Variants in PRKAR1B observed in about 807,000 individuals in gnomAD.
PRKAR1B encodes the protein protein kinase cAMP-dependent type I regulatory subunit beta, also known as cAMP-dependent protein kinase type I-beta regulatory subunit.
Under a neutral mutation model 46.5 loss-of-function variants are expected in PRKAR1B, and 22 were observed. That is an observed-to-expected ratio of 0.47 (90% CI 0.34 to 0.68). The LOEUF is 0.68. PRKAR1B is among the 30% of genes least tolerant of loss of function. PRKAR1B has a pLI of 0.01. For synonymous variants in PRKAR1B, 259 were observed against 217.7 expected (o/e 1.19, Z -1.67); for missense variants, 445 against 535.6 (o/e 0.83, Z 1.67).
At chr7:718,747 A>G (rs1302224560) in intron 1 of PRKAR1B, among the ~76,000 whole-genome samples, 1 of 151,152 alleles carries the variant, frequency 6.6e-6, no homozygotes, top group African/African-American at 2.4e-5. Flanking sequence ...TGGGACATCT[A>G]TTCAACAGAT....
chr7:635,525 G>A (rs1783997468), intron 4 of PRKAR1B, among the ~76,000 whole-genome samples: 1 of 152,176 alleles, frequency 6.6e-6, no homozygotes, highest in South Asian at 2.1e-4. Flanking sequence ...GCACAGCTGG[G>A]ACCCGAGGGC....
At chr7:626,365 C>G (rs768019362) in intron 4 of PRKAR1B, among the ~76,000 whole-genome samples, 11 of 152,070 alleles carry the variant, frequency 7.2e-5, no homozygotes, top group Non-Finnish European at 1.3e-4. Context: ...CCTGGTGGTG[C>G]ACACCTGTAG....
rs1042743790 is a variant in PRKAR1B, at chr7:667,703, A to G, written c.440+9526T>C. 2.0e-5 allele frequency among the ~76,000 whole-genome samples: 3 copies of G among 152,288 alleles called. No individual in the cohort carries two copies. The highest frequency in any genetic ancestry group is 3.4e-3 in the Middle Eastern group (1 of 294). Reference sequence around the variant, plus strand: ...GGAGGGAGCACAGGCTTAGGTGCCCAAGAACTCGAGCTCAAACCCTAGCTC... The same window carrying G: ...GGAGGGAGCACAGGCTTAGGTGCCCGAGAACTCGAGCTCAAACCCTAGCTC... On this transcript the variant is annotated intron_variant, in intron 4 of 10. Coordinates refer to ENST00000537384, the MANE Select transcript of PRKAR1B (RefSeq NM_001164760.2). This position sits in a 1 kb window ranked among gnomAD's most constrained non-coding sequence, Gnocchi z 4.3.
At chr7:623,727 T>C (rs1022546391) in intron 4 of PRKAR1B, among the ~76,000 whole-genome samples, 1 of 152,226 alleles carries the variant, frequency 6.6e-6, no homozygotes, top group African/African-American at 2.4e-5. Flanking sequence ...CAAGACCCCA[T>C]TGCAGTGATC....
chr7:576,969 C>T (rs769438294), intron 9 of PRKAR1B, among the ~76,000 whole-genome samples: 14 of 151,278 alleles, frequency 9.3e-5, no homozygotes, highest in African/African-American at 2.2e-4. Context: ...ACGCCATCAG[C>T]GGCCTCGTCC....
intron 9 of PRKAR1B, among the ~76,000 whole-genome samples, chr7:558,622 G>A (rs1012523136): frequency 6.6e-6 from 1 of 151,824 alleles, no homozygotes; most frequent in Admixed American, 6.6e-5. Flanking sequence ...CAGGCGTGGT[G>A]CGCGCCTGTA....
At chr7:697,800 T>A (rs1358389678) in intron 2 of PRKAR1B, among the ~76,000 whole-genome samples, 1 of 149,938 alleles carries the variant, frequency 6.7e-6, no homozygotes, top group Non-Finnish European at 1.5e-5. Context: ...GAAACGCAGG[T>A]CTTCAATCAT....
chr7:627,171 G>A (rs1311300116), intron 4 of PRKAR1B, among the ~76,000 whole-genome samples: 2 of 152,032 alleles, frequency 1.3e-5, no homozygotes, highest in East Asian at 3.9e-4. Context: ...TTATTTATTT[G>A]TAGAGATGGG....
intron 4 of PRKAR1B, among the ~76,000 whole-genome samples, chr7:628,568 T>C (rs1783546533): frequency 6.6e-6 from 1 of 152,194 alleles, no homozygotes; most frequent in Non-Finnish European, 1.5e-5. Context: ...AGGGGCTCGA[T>C]GGGACCAGTC....
At chr7:694,619 C>T (rs1008701911) in intron 2 of PRKAR1B, among the ~76,000 whole-genome samples, 1 of 152,166 alleles carries the variant, frequency 6.6e-6, no homozygotes, top group Non-Finnish European at 1.5e-5. Flanking sequence ...CCTTCCCCCA[C>T]CCACCTCCAG....
At chr7:698,822 G>A (rs1779910116) in intron 2 of PRKAR1B, among the ~76,000 whole-genome samples, 1 of 152,104 alleles carries the variant, frequency 6.6e-6, no homozygotes, top group Non-Finnish European at 1.5e-5. Flanking sequence ...GTGCATCTGG[G>A]CGAGTGTGTG....
At chr7:641,500 G>C (rs898348988) in intron 4 of PRKAR1B, among the ~76,000 whole-genome samples, 1 of 151,488 alleles carries the variant, frequency 6.6e-6, no homozygotes, top group African/African-American at 2.4e-5. Flanking sequence ...AACCCAAATG[G>C]TGCCGTATTG....
At chr7:596,121 T>C (rs1414189461) in intron 7 of PRKAR1B, 25 bp downstream of exon 7, 3 of 1,602,448 alleles carry the variant, frequency 1.9e-6, no homozygotes, top group Non-Finnish European at 2.6e-6. Flanking sequence ...GTGTTGGCCT[T>C]CTCTGTGCTT....
intron 9 of PRKAR1B, among the ~76,000 whole-genome samples, chr7:556,419 G>T (rs78062666): frequency 6.6e-6 from 1 of 151,216 alleles, no homozygotes; most frequent in Non-Finnish European, 1.5e-5. Context: ...TGCAACCGGC[G>T]GCCTTCGGAT....
chr7:574,710 C>CT (rs1396785539), intron 9 of PRKAR1B, among the ~76,000 whole-genome samples: 1 of 152,226 alleles, frequency 6.6e-6, no homozygotes, highest in East Asian at 1.9e-4. Flanking sequence ...TCCCAAAGTG[C>CT]TGGGATTATA....
intron 6 of PRKAR1B, among the ~76,000 whole-genome samples, chr7:598,397 C>T (rs1781396609): frequency 7.9e-6 from 1 of 127,332 alleles, no homozygotes; most frequent in African/African-American, 2.9e-5. Context: ...CACCATCACC[C>T]TCCCTCCAGC....
At chr7:596,695 T>C (rs1781285499) in intron 6 of PRKAR1B, among the ~76,000 whole-genome samples, 1 of 152,236 alleles carries the variant, frequency 6.6e-6, no homozygotes, top group South Asian at 2.1e-4. Flanking sequence ...GGGCCTCAGT[T>C]TCCCTAGCTG....
chr7:712,897 G>C, intron 1 of PRKAR1B: 1 of 152,388 alleles, frequency 6.6e-6, no homozygotes, highest in East Asian at 1.9e-4. Flanking sequence ...TACCCAGCAA[G>C]CACGCCCGTT....
intron 4 of PRKAR1B, among the ~76,000 whole-genome samples, chr7:610,585 C>T (rs1023680028): frequency 2.0e-5 from 3 of 152,232 alleles, no homozygotes; most frequent in East Asian, 1.9e-4. Flanking sequence ...GTCACCAGCT[C>T]ATCGCCGACA....
Sources: gnomAD v4.1 joint callset for allele counts (sites outside exome capture counted in the v4.1 genomes callset) on GRCh38, gnomAD v4.1.1 for gene constraint, Gnocchi (gnomAD v3.1) non-coding constraint, MANE v1.5 for transcripts, NCBI Gene and HGNC (gene_info 2026-07-23, HGNC 2026-07-21) for gene names.